NRG3: variants seen among roughly 807,000 people sequenced by gnomAD.
The protein encoded by NRG3 is pro-neuregulin-3, membrane-bound isoform.
A neutral mutation model predicts 66.9 loss-of-function variants in NRG3; 31 were observed. That is an observed-to-expected ratio of 0.46 (90% confidence interval 0.35 to 0.63). The LOEUF (loss-of-function observed/expected upper bound fraction) is 0.63. Among genes scored for constraint, NRG3 ranks in the 20% least tolerant of loss-of-function variants. NRG3 has a pLI of 0.00. For synonymous variants in NRG3, 393 were observed against 359.4 expected (o/e 1.09, Z -1.06); for missense variants, 910 against 878.9 (o/e 1.04, Z -0.45).
intron 2 of NRG3, among the ~76,000 whole-genome samples, chr10:82,554,299 A>G (rs989241513): frequency 6.6e-6 from 1 of 152,292 alleles, no homozygotes. Flanking sequence ...TTCTCAAAGA[A>G]ATTATCAACG....
intron 1 of NRG3, among the ~76,000 whole-genome samples, chr10:82,344,378 A>G (rs2082865345): frequency 6.6e-6 from 1 of 151,038 alleles, no homozygotes; most frequent in African/African-American, 2.5e-5. Context: ...CCATGTCCCT[A>G]CAAAGGACAT....
At chr10:82,602,186 G>T (rs994764240) in intron 2 of NRG3, among the ~76,000 whole-genome samples, 5 of 151,876 alleles carry the variant, frequency 3.3e-5, no homozygotes, top group African/African-American at 1.2e-4. Context: ...CTAGTCCACA[G>T]TCGACTATCC....
intron 2 of NRG3, among the ~76,000 whole-genome samples, chr10:82,436,109 A>G (rs1004013262): frequency 1.3e-5 from 2 of 152,116 alleles, no homozygotes; most frequent in Non-Finnish European, 2.9e-5. Context: ...TTTCTGTCTC[A>G]TTGATCCATC....
intron 6 of NRG3, among the ~76,000 whole-genome samples, chr10:82,966,020 C>T (rs73313241): frequency 0.09 from 13,760 of 152,148 alleles, 812 homozygotes; most frequent in African/African-American, 0.15. Flanking sequence ...GGATAGCTTT[C>T]AATTTACAGA....
intron 4 of NRG3, among the ~76,000 whole-genome samples, chr10:82,894,508 T>C (rs1221657501): frequency 1.3e-5 from 2 of 152,182 alleles, no homozygotes; most frequent in African/African-American, 2.4e-5. Flanking sequence ...TCATCCGTAA[T>C]ACCAATTTTG....
chr10:82,362,003 A>G (rs1221533229), intron 2 of NRG3, among the ~76,000 whole-genome samples: 2 of 143,750 alleles, frequency 1.4e-5, no homozygotes, highest in African/African-American at 2.5e-5. Context: ...GCTCTGACAC[A>G]TTTCTGTTTT....
chr10:82,456,343 A>T (rs2091267875), intron 2 of NRG3, among the ~76,000 whole-genome samples: 1 of 151,786 alleles, frequency 6.6e-6, no homozygotes, highest in African/African-American at 2.4e-5. Flanking sequence ...TATTGTTATT[A>T]TTTGGTAGAG....
At chr10:82,677,313 T>G (rs1591131084) in intron 2 of NRG3, among the ~76,000 whole-genome samples, 1 of 152,240 alleles carries the variant, frequency 6.6e-6, no homozygotes, top group South Asian at 2.1e-4. Flanking sequence ...ACTGTTGGGA[T>G]TATAGGCGCG....
At chr10:82,067,443 G>A (rs571773508) in intron 1 of NRG3, among the ~76,000 whole-genome samples, 2 of 152,228 alleles carry the variant, frequency 1.3e-5, no homozygotes, top group South Asian at 2.1e-4. Context: ...TCTCTCCCCG[G>A]TTCAAGCCAT....
At position 82,541,527 on chromosome 10, in the gene NRG3, C is replaced by T. The variant is rs531795551; in HGVS notation, c.953+182659C>T. ...GCAGGGGGTACGTGACTGGGGGCTG[C>T]ATGCACTGGTAATCAGAACAGAACA... On this transcript the variant is annotated intron_variant, in intron 2 of 8. Coordinates refer to ENST00000372141, the MANE Select transcript of NRG3 (RefSeq NM_001010848.4). Among the ~76,000 whole-genome samples the T allele has an allele frequency of 9.6e-4, 146 of 152,216 alleles. 1 individual carries two copies. The highest frequency in any genetic ancestry group is 3.2e-3 in the African/African-American group (133 of 41,526).
intron 1 of NRG3, among the ~76,000 whole-genome samples, chr10:82,140,659 G>T (rs1288194178): frequency 1.3e-5 from 2 of 152,022 alleles, no homozygotes; most frequent in Non-Finnish European, 2.9e-5. Context: ...TTGAGCCCAG[G>T]AGTTGAAGAC....
At chr10:82,427,877 A>T (rs1264002813) in intron 2 of NRG3, among the ~76,000 whole-genome samples, 1 of 151,926 alleles carries the variant, frequency 6.6e-6, no homozygotes, top group Non-Finnish European at 1.5e-5. Context: ...TACTAAACTG[A>T]TTTTATTTAT....
intron 2 of NRG3, among the ~76,000 whole-genome samples, chr10:82,364,536 A>G (rs1322073601): frequency 1.3e-5 from 2 of 152,144 alleles, no homozygotes; most frequent in Non-Finnish European, 2.9e-5. Flanking sequence ...GCTATGTATA[A>G]TATACTGCAC....
intron 1 of NRG3, among the ~76,000 whole-genome samples, chr10:82,153,495 G>A (rs540799376): frequency 6.7e-6 from 1 of 150,330 alleles, no homozygotes; most frequent in South Asian, 2.1e-4. Flanking sequence ...TTATACCTTG[G>A]CTAATGTGTA....
chr10:82,060,574 G>T (rs2064089849), intron 1 of NRG3, among the ~76,000 whole-genome samples: 1 of 152,152 alleles, frequency 6.6e-6, no homozygotes, highest in Non-Finnish European at 1.5e-5. Context: ...AATTTTTATT[G>T]AATATCATCT....
intron 1 of NRG3, among the ~76,000 whole-genome samples, chr10:82,192,576 C>T (rs2074212083): frequency 6.6e-6 from 1 of 152,188 alleles, no homozygotes; most frequent in Non-Finnish European, 1.5e-5. Context: ...AAATTCCCTG[C>T]AGTTCCTGAG....
intron 3 of NRG3, among the ~76,000 whole-genome samples, chr10:82,751,954 T>A (rs1462416148): frequency 6.6e-6 from 1 of 152,022 alleles, no homozygotes; most frequent in Non-Finnish European, 1.5e-5. Context: ...TGAGGACAAA[T>A]ATGCTGGATT....
intron 2 of NRG3, among the ~76,000 whole-genome samples, chr10:82,720,473 A>G (rs1197591036): frequency 6.6e-6 from 1 of 152,146 alleles, no homozygotes; most frequent in African/African-American, 2.4e-5. Flanking sequence ...CAAGAGAAAG[A>G]GAAATAAACA....
At chr10:82,129,037 CA>C (rs2068641893) in intron 1 of NRG3, among the ~76,000 whole-genome samples, 2 of 151,934 alleles carry the variant, frequency 1.3e-5, no homozygotes, top group Non-Finnish European at 2.9e-5. Context: ...CTCAGCCTCG[CA>C]AGTAGCTGTG....
Sources: gnomAD v4.1 joint callset for allele counts (sites outside exome capture counted in the v4.1 genomes callset) on GRCh38, gnomAD v4.1.1 for gene constraint, MANE v1.5 for transcripts, NCBI Gene and HGNC (gene_info 2026-07-23, HGNC 2026-07-21) for gene names.